The following PRLR variants were observed in gnomAD, a reference collection of about 807,000 sequenced individuals.
The protein encoded by PRLR is hPRL receptor.
In PRLR, 13 loss-of-function variants were observed where a neutral mutation model predicts 40.2. The observed-to-expected ratio is 0.32, with a 90% CI of 0.21 to 0.51. PRLR has a LOEUF of 0.51. PRLR is among the 20% of genes least tolerant of loss of function. The pLI, the probability that PRLR is intolerant of heterozygous loss-of-function variation, is 0.97. For missense variants in PRLR, 656 were observed against 747.3 expected (o/e 0.88, Z 1.42); for synonymous variants, 269 against 278.7 (o/e 0.97, Z 0.35).
intron 2 of PRLR, among the ~76,000 whole-genome samples, chr5:35,109,867 A>G (rs899131932): frequency 3.3e-5 from 5 of 152,172 alleles, no homozygotes; most frequent in Non-Finnish European, 7.4e-5. Context: ...CCATTACTGC[A>G]TATATACCCA....
chr5:35,157,182 C>G (rs557786386), intron 1 of PRLR, among the ~76,000 whole-genome samples: 3 of 152,200 alleles, frequency 2.0e-5, no homozygotes, highest in African/African-American at 7.2e-5. Flanking sequence ...TTCCTGCAGG[C>G]AGTCCTTCAA....
chr5:35,083,701 G>C (rs1293011590), intron 5 of PRLR, among the ~76,000 whole-genome samples: 15 of 151,588 alleles, frequency 9.9e-5, no homozygotes. Context: ...TGTATTTTTA[G>C]TAGAGATGGG....
intron 9 of PRLR, 138 bp downstream of exon 9, chr5:35,068,078 C>T (rs1769488623): frequency 2.7e-6 from 2 of 735,986 alleles, no homozygotes; most frequent in Non-Finnish European, 2.4e-6. Context: ...TGTTAACACA[C>T]ATGCTGACCA....
rs1604424 is a variant in PRLR, at chr5:35,220,922, C to T, written c.-106+9346G>A. ...ACCTTCTGAGGATCGGTGTATCAGA[C>T]TTGGCTGGACCCTGGATAACTGATT... is the stretch of plus-strand genomic sequence containing the variant. On this transcript the variant is annotated intron_variant, in intron 1 of 9. Transcript: ENST00000618457. Among the ~76,000 whole-genome samples, 998 of 152,286 alleles carry T rather than the reference C, an allele frequency of 6.6e-3. 10 individuals carry two copies. Among genetic ancestry groups the T allele is most frequent in the African/African-American group, 0.023 (938 of 41,562 alleles).
chr5:35,123,185 T>C (rs1207987264), intron 1 of PRLR, among the ~76,000 whole-genome samples: 2 of 152,174 alleles, frequency 1.3e-5, no homozygotes, highest in African/African-American at 4.8e-5. Flanking sequence ...CGTTAGTGGA[T>C]TGTAAAGTGA....
chr5:35,215,909 C>T (rs1258158747), intron 1 of PRLR, among the ~76,000 whole-genome samples: 11 of 148,624 alleles, frequency 7.4e-5, no homozygotes, highest in East Asian at 3.9e-4. Context: ...GGCTTGGTGA[C>T]GCACATCTGT....
chr5:35,117,568 G>C (rs1773099734), intron 2 of PRLR, among the ~76,000 whole-genome samples: 1 of 152,324 alleles, frequency 6.6e-6, no homozygotes, highest in Non-Finnish European at 1.5e-5. Context: ...GATGAGAGAA[G>C]ACCCAGAGCC....
intron 2 of PRLR, among the ~76,000 whole-genome samples, chr5:35,107,122 G>C (rs779330760): frequency 2.6e-5 from 4 of 152,224 alleles, no homozygotes; most frequent in South Asian, 2.1e-4. Flanking sequence ...GCTCCTGAAT[G>C]ACTACTGGGT....
intron 2 of PRLR, among the ~76,000 whole-genome samples, chr5:35,110,857 T>C (rs931848778): frequency 6.6e-6 from 1 of 152,238 alleles, no homozygotes; most frequent in Non-Finnish European, 1.5e-5. Context: ...CTTCTCATGC[T>C]AACTTTCAGA....
chr5:35,054,548 G>C (rs2112328730), downstream of PRLR, among the ~76,000 whole-genome samples: 3 of 152,284 alleles, frequency 2.0e-5, no homozygotes, highest in Middle Eastern at 0.01. Flanking sequence ...AATTACAGCA[G>C]CTATATGCAT....
chr5:35,084,345 T>C, intron 5 of PRLR, 125 bp downstream of exon 5: 1 of 921,268 alleles, frequency 1.1e-6, no homozygotes, highest in Admixed American at 2.8e-5. Context: ...GACAAGCATA[T>C]CGTGAGTTTT....
intron 6 of PRLR, among the ~76,000 whole-genome samples, chr5:35,072,266 C>T (rs1295237556): frequency 6.6e-6 from 1 of 152,048 alleles, no homozygotes. Flanking sequence ...CTGAGACTGC[C>T]CCCTCCCACC....
At position 35,063,680 on chromosome 5, in the gene PRLR, T is replaced by C. The variant is rs1354742154; in HGVS notation, c.*1409A>G. On this transcript the variant is annotated 3_prime_UTR_variant, in exon 10 of 10. Coordinates refer to ENST00000618457, the MANE Select transcript of PRLR (RefSeq NM_000949.7). ...GAATTTACTTCAGAGAGACACTAAC[T>C]CCTGGCTTTGCTTAAAATTTTTTTG... The C allele has an allele frequency of 3.9e-5, 6 of 152,210 alleles. No homozygotes were observed. Among genetic ancestry groups the C allele is most frequent in the African/African-American group, 1.4e-4 (6 of 41,454 alleles). The allele number at this position is 152,210 out of a possible 1,614,324, so 9.4% of individuals were successfully genotyped here.
Position 35,058,194 on chromosome 5 carries a change from G to C in PRLR, c.*6895C>G, listed in dbSNP as rs973148080. The stretch of plus-strand genomic sequence containing the variant: ...ACAATTACTTCTAATTTCTCACTTA[G>C]TGTTGGGGAATTTTGCTTGGCATTT... On this transcript the variant is annotated 3_prime_UTR_variant, in exon 10 of 10. Transcript: ENST00000618457. 3.9e-5 allele frequency: 6 copies of C among 152,238 alleles called. 1 individual carries two copies. The highest frequency in any genetic ancestry group is 1.9e-4 in the East Asian group (1 of 5,184). The allele number at this position is 152,238 out of a possible 1,614,324, so 9.4% of individuals were successfully genotyped here.
At chr5:35,178,072 G>C (rs1033237813) in intron 1 of PRLR, among the ~76,000 whole-genome samples, 9 of 151,736 alleles carry the variant, frequency 5.9e-5, no homozygotes, top group African/African-American at 1.2e-4. Flanking sequence ...TAGTAATGAT[G>C]ATGAGTATCT....
At chr5:35,124,215 C>T (rs1036379894) in intron 1 of PRLR, among the ~76,000 whole-genome samples, 4 of 152,136 alleles carry the variant, frequency 2.6e-5, no homozygotes, top group African/African-American at 7.2e-5. Flanking sequence ...AGTTCTTTAC[C>T]GGACATTCCG....
intron 1 of PRLR, among the ~76,000 whole-genome samples, chr5:35,185,858 G>A (rs1239482998): frequency 2.0e-5 from 3 of 152,292 alleles, no homozygotes; most frequent in South Asian, 2.1e-4. Flanking sequence ...ATTCTGTGGC[G>A]TCTCTTTCTG....
At chr5:35,115,469 G>A (rs959511540) in intron 2 of PRLR, among the ~76,000 whole-genome samples, 1 of 151,828 alleles carries the variant, frequency 6.6e-6, no homozygotes, top group African/African-American at 2.4e-5. Context: ...AAGTGGTGGG[G>A]AAAAATATTA....
chr5:35,142,303 G>T (rs1358801979), intron 1 of PRLR, among the ~76,000 whole-genome samples: 2 of 152,194 alleles, frequency 1.3e-5, no homozygotes, highest in Non-Finnish European at 2.9e-5. Context: ...GTTTGCACAG[G>T]TTGTGCCAAG....
Sources: gnomAD v4.1 joint callset for allele counts (sites outside exome capture counted in the v4.1 genomes callset) on GRCh38, gnomAD v4.1.1 for gene constraint, MANE v1.5 for transcripts, NCBI Gene and HGNC (gene_info 2026-07-23, HGNC 2026-07-21) for gene names.